RABGAP1L: variants seen among roughly 807,000 people sequenced by gnomAD.
RABGAP1L encodes rab GTPase-activating protein 1-like.
A neutral mutation model predicts 137.7 loss-of-function variants in RABGAP1L; 63 were observed. The ratio of observed to expected loss-of-function variants is 0.46; its 90% CI spans 0.37 to 0.56. The LOEUF is 0.56. Among genes scored for constraint, RABGAP1L ranks in the 20% least tolerant of loss-of-function variants. The pLI is 0.00. For synonymous variants in RABGAP1L, 431 were observed against 433.7 expected (o/e 0.99, Z 0.08); for missense variants, 1,095 against 1,244.0 (o/e 0.88, Z 1.80).
chr1:174,176,154 T>G (rs1326396260), intron 1 of RABGAP1L, among the ~76,000 whole-genome samples: 1 of 152,166 alleles, frequency 6.6e-6, no homozygotes, highest in South Asian at 2.1e-4. Flanking sequence ...TAATAGTCTT[T>G]TAAGGTAATG....
intron 10 of RABGAP1L, among the ~76,000 whole-genome samples, chr1:174,281,095 C>T (rs1449514003): frequency 6.6e-6 from 1 of 152,152 alleles, no homozygotes; most frequent in Non-Finnish European, 1.5e-5. Context: ...GTGAGTGTTA[C>T]AGCTCATAAA....
intron 13 of RABGAP1L, among the ~76,000 whole-genome samples, chr1:174,626,878 C>T (rs576501586): frequency 4.6e-4 from 70 of 152,152 alleles, no homozygotes; most frequent in Admixed American, 9.2e-4. Flanking sequence ...GTTAGCAGAC[C>T]AATTTGTGAT....
intron 14 of RABGAP1L, among the ~76,000 whole-genome samples, chr1:174,664,881 G>C (rs1676667994): frequency 6.6e-6 from 1 of 151,784 alleles, no homozygotes; most frequent in Admixed American, 6.6e-5. Context: ...GGGATTACAG[G>C]CATGTGCCAC....
chr1:174,512,645 C>G (rs1330636636), intron 13 of RABGAP1L, among the ~76,000 whole-genome samples: 1 of 152,088 alleles, frequency 6.6e-6, no homozygotes, highest in Non-Finnish European at 1.5e-5. Context: ...TTTCTCTAAT[C>G]TTCTTTAAAT....
chr1:174,189,526 T>C lies in RABGAP1L; in HGVS notation c.-33-29599T>C, dbSNP rs1667057555. 2.0e-5 allele frequency among the ~76,000 whole-genome samples: 3 copies of C among 152,382 alleles called. No individual in the cohort carries two copies. In the South Asian group the frequency reaches 6.2e-4, roughly 32 times the overall value. On this transcript the variant is annotated intron_variant, in intron 1 of 25. Transcript: ENST00000681986. ...GAATATTTCTCCCCTCCAAAACTTCTGTTGATACTTAATTTCCATTGTGGC... is the reference window on the plus strand; with the variant it reads ...GAATATTTCTCCCCTCCAAAACTTCCGTTGATACTTAATTTCCATTGTGGC...
intron 14 of RABGAP1L, among the ~76,000 whole-genome samples, chr1:174,651,703 T>G (rs1395223794): frequency 6.6e-6 from 1 of 152,222 alleles, no homozygotes; most frequent in Non-Finnish European, 1.5e-5. Flanking sequence ...TCTTCCTCCA[T>G]CCTTCTGTTT....
chr1:174,702,059 A>T lies in RABGAP1L; in HGVS notation c.2026-54A>T. On this transcript the variant is annotated intron_variant, in intron 16 of 25. Coordinates refer to ENST00000681986, the MANE Select transcript of RABGAP1L (RefSeq NM_001366446.1). ...AAGTTGCAGTTGTGGCAGGAACTTC[A>T]TTGTTCTGCTGCAAGCTTCTCATTG... 1.9e-6 allele frequency: 3 copies of T among 1,549,050 alleles called. No homozygotes were observed. The South Asian group carries it at 3.7e-5, about 19-fold the overall frequency.
intron 13 of RABGAP1L, 54 bp downstream of exon 13, chr1:174,394,199 C>A (rs1260236424): frequency 5.7e-6 from 9 of 1,573,772 alleles, no homozygotes; most frequent in South Asian, 1.2e-5. Context: ...TTAAATAAAT[C>A]CTAGTTTTCA....
At chr1:174,301,399 C>A (rs535947570) in intron 10 of RABGAP1L, among the ~76,000 whole-genome samples, 1 of 150,006 alleles carries the variant, frequency 6.7e-6, no homozygotes, top group Non-Finnish European at 1.5e-5. Flanking sequence ...ACCACTCTTT[C>A]AGCCCCTTGC....
intron 10 of RABGAP1L, among the ~76,000 whole-genome samples, chr1:174,279,718 G>A (rs1675328060): frequency 3.3e-5 from 5 of 152,178 alleles, no homozygotes; most frequent in South Asian, 4.1e-4. Flanking sequence ...TGCTTTTATA[G>A]CATATTCTAA....
At chr1:174,311,625 A>C (rs569670783) in intron 11 of RABGAP1L, among the ~76,000 whole-genome samples, 15 of 151,902 alleles carry the variant, frequency 9.9e-5, no homozygotes, top group African/African-American at 3.1e-4. Context: ...TATTTTTTTG[A>C]GATGGAGTTT....
rs1674648589 is a variant in RABGAP1L at position 174,642,777 on chromosome 1, C to T, written c.1824+5289C>T. The stretch of plus-strand genomic sequence containing the variant: ...CTTCTTCCCCTCTCTCCCTCTCCCC[C>T]TCTCCTCTCCTCTTCTCTCCTCTTC... On this transcript the variant is annotated intron_variant, in intron 14 of 25. Transcript: ENST00000681986. Among the ~76,000 whole-genome samples, 9 of 135,770 alleles carry T rather than the reference C, an allele frequency of 6.6e-5. No homozygotes were observed. The South Asian group carries it at 2.0e-3, about 30-fold the overall frequency. 89.1% of individuals were successfully genotyped at this position (135,770 alleles called of 152,430 possible).
chr1:174,981,380 T>C (rs1188321511), intron 23 of RABGAP1L, among the ~76,000 whole-genome samples: 1 of 152,046 alleles, frequency 6.6e-6, no homozygotes, highest in Non-Finnish European at 1.5e-5. Context: ...TCTGGAGAAA[T>C]TGGAATGAAA....
chr1:174,622,321 G>A (rs568180685), intron 13 of RABGAP1L, among the ~76,000 whole-genome samples: 150 of 152,186 alleles, frequency 9.9e-4, no homozygotes, highest in African/African-American at 3.1e-3. Context: ...CTAGAACTAG[G>A]AATACCATTT....
intron 14 of RABGAP1L, among the ~76,000 whole-genome samples, chr1:174,640,874 G>A (rs1674475890): frequency 6.7e-6 from 1 of 149,988 alleles, no homozygotes. Flanking sequence ...CACTAAGAAA[G>A]CTGCATCTTC....
chr1:174,524,207 G>GTTT (rs943176714), intron 13 of RABGAP1L, among the ~76,000 whole-genome samples: 4 of 149,650 alleles, frequency 2.7e-5, no homozygotes, highest in African/African-American at 7.4e-5. Flanking sequence ...TGTTGTTGTT[G>GTTT]TTTTTTTAAG....
At chr1:174,358,628 G>C (rs1381461807) in intron 11 of RABGAP1L, among the ~76,000 whole-genome samples, 1 of 152,156 alleles carries the variant, frequency 6.6e-6, no homozygotes, top group African/African-American at 2.4e-5. Flanking sequence ...TTTACTTTGA[G>C]CATCTCAGCC....
chr1:174,649,411 C>T (rs1675265094), intron 14 of RABGAP1L, among the ~76,000 whole-genome samples: 1 of 152,068 alleles, frequency 6.6e-6, no homozygotes, highest in Non-Finnish European at 1.5e-5. Context: ...GACAAAATCC[C>T]TCGGCGATGG....
chr1:174,358,625 T>C (rs913489781), intron 11 of RABGAP1L, among the ~76,000 whole-genome samples: 2 of 152,358 alleles, frequency 1.3e-5, no homozygotes, highest in Middle Eastern at 3.4e-3. Flanking sequence ...TGTTTTACTT[T>C]GAGCATCTCA....
Sources: gnomAD v4.1 joint callset for allele counts (sites outside exome capture counted in the v4.1 genomes callset) on GRCh38, gnomAD v4.1.1 for gene constraint, MANE v1.5 for transcripts, NCBI Gene and HGNC (gene_info 2026-07-23, HGNC 2026-07-21) for gene names.